The following SPOCK1 variants were observed in gnomAD, a reference collection of about 807,000 sequenced individuals.
The protein encoded by SPOCK1 is testican-1.
A neutral mutation model predicts 55.3 loss-of-function variants in SPOCK1; 23 were observed. That is an observed-to-expected ratio of 0.42 (90% CI 0.30 to 0.59). SPOCK1 has a LOEUF of 0.59. SPOCK1 is among the 20% of genes least tolerant of loss of function. The probability of loss-of-function intolerance (pLI) is 0.22; values close to 1 mark genes in which losing one functional copy is unlikely to be tolerated. For missense variants in SPOCK1, 499 were observed against 552.5 expected (o/e 0.90, Z 0.97); for synonymous variants, 226 against 221.0 (o/e 1.02, Z -0.20).
chr5:137,302,375 C>T (rs1475673744), intron 2 of SPOCK1, among the ~76,000 whole-genome samples: 4 of 149,538 alleles, frequency 2.7e-5, no homozygotes, highest in African/African-American at 9.9e-5. Context: ...TGAGACCATC[C>T]TGGCCAACAC....
chr5:137,414,664 A>T (rs1468064979), intron 2 of SPOCK1, among the ~76,000 whole-genome samples: 1 of 152,206 alleles, frequency 6.6e-6, no homozygotes, highest in South Asian at 2.1e-4. Context: ...GTGACCATGT[A>T]TCCACCTATT....
intron 8 of SPOCK1, among the ~76,000 whole-genome samples, chr5:136,986,199 G>T (rs1750837834): frequency 6.6e-6 from 1 of 152,146 alleles, no homozygotes; most frequent in Admixed American, 6.5e-5. Context: ...ATAAAAGGTA[G>T]CATTTCCTGG....
chr5:137,043,683 T>A (rs1486820969), intron 6 of SPOCK1, among the ~76,000 whole-genome samples: 3 of 152,182 alleles, frequency 2.0e-5, no homozygotes, highest in Non-Finnish European at 2.9e-5. Flanking sequence ...CTCTAATCAT[T>A]AGACCAACAT....
intron 6 of SPOCK1, among the ~76,000 whole-genome samples, chr5:136,999,174 C>T (rs1399563192): frequency 1.3e-5 from 2 of 152,128 alleles, no homozygotes; most frequent in Non-Finnish European, 2.9e-5. Flanking sequence ...GAGAAGGAGG[C>T]ATTGTTGTCA....
chr5:137,399,374 T>G (rs901487625), intron 2 of SPOCK1, among the ~76,000 whole-genome samples: 1 of 149,106 alleles, frequency 6.7e-6, no homozygotes, highest in African/African-American at 2.6e-5. Flanking sequence ...TTGTTGTTGT[T>G]GTTGTTGTTG....
chr5:137,458,636 C>T (rs1262665452), intron 2 of SPOCK1, among the ~76,000 whole-genome samples: 4 of 152,160 alleles, frequency 2.6e-5, no homozygotes, highest in Non-Finnish European at 5.9e-5. Flanking sequence ...CGAAATTTCT[C>T]CTAGAGTAAG....
chr5:137,259,855 C>A (rs145135427), intron 3 of SPOCK1, among the ~76,000 whole-genome samples: 1 of 152,146 alleles, frequency 6.6e-6, no homozygotes, highest in East Asian at 1.9e-4. Context: ...CTTCTTTGGC[C>A]TTTTTTCTTT....
intron 2 of SPOCK1, among the ~76,000 whole-genome samples, chr5:137,345,718 T>C (rs1354131073): frequency 1.3e-5 from 2 of 152,220 alleles, no homozygotes; most frequent in Non-Finnish European, 2.9e-5. Context: ...CCCAGGAATG[T>C]GTAACAAACT....
intron 2 of SPOCK1, among the ~76,000 whole-genome samples, chr5:137,422,681 T>C (rs951330895): frequency 6.6e-6 from 1 of 152,208 alleles, no homozygotes; most frequent in African/African-American, 2.4e-5. Context: ...TAGTTAGCCA[T>C]TCGACTAATT....
intron 3 of SPOCK1, among the ~76,000 whole-genome samples, chr5:137,256,880 G>A (rs556656348): frequency 8.5e-5 from 13 of 152,294 alleles, no homozygotes; most frequent in Non-Finnish European, 1.3e-4. Context: ...CACATTTACC[G>A]TCTTGCTGTA....
At chr5:137,393,192 C>G (rs532343182) in intron 2 of SPOCK1, among the ~76,000 whole-genome samples, 37 of 152,296 alleles carry the variant, frequency 2.4e-4, no homozygotes, top group African/African-American at 8.9e-4. Flanking sequence ...TTCTTCACCC[C>G]TTCCTGTATG....
chr5:137,360,863 C>A (rs923895808), intron 2 of SPOCK1, among the ~76,000 whole-genome samples: 6 of 152,182 alleles, frequency 3.9e-5, no homozygotes, highest in African/African-American at 1.4e-4. Flanking sequence ...TTGATGGGTC[C>A]CTTCTGTACA....
intron 2 of SPOCK1, among the ~76,000 whole-genome samples, chr5:137,296,531 C>T (rs538008572): frequency 2.6e-5 from 4 of 152,270 alleles, no homozygotes; most frequent in South Asian, 2.1e-4. Context: ...ATTGTGCTCC[C>T]GGCTCTGTCT....
At chr5:137,081,905 G>A (rs994774372) in intron 5 of SPOCK1, among the ~76,000 whole-genome samples, 1 of 152,232 alleles carries the variant, frequency 6.6e-6, no homozygotes, top group Non-Finnish European at 1.5e-5. Context: ...GAGCTGAGGT[G>A]TGAAAATGGT....
intron 6 of SPOCK1, among the ~76,000 whole-genome samples, chr5:137,024,318 G>GGGGT (rs1554093481): frequency 1.3e-5 from 2 of 148,712 alleles, no homozygotes; most frequent in African/African-American, 2.5e-5. Context: ...GTTTGAAGGG[G>GGGGT]GGGGGGTAGT....
intron 2 of SPOCK1, among the ~76,000 whole-genome samples, chr5:137,289,018 G>A (rs1757318014): frequency 6.6e-6 from 1 of 152,184 alleles, no homozygotes; most frequent in Non-Finnish European, 1.5e-5. Flanking sequence ...CTGAGCTATG[G>A]GGTCCAACAG....
chr5:137,277,136 T>C (rs1757082590), intron 2 of SPOCK1, among the ~76,000 whole-genome samples: 1 of 152,126 alleles, frequency 6.6e-6, no homozygotes, highest in Admixed American at 6.6e-5. Context: ...TGCCTCATCC[T>C]CCCAAGTAGT....
chr5:137,111,235 G>A (rs1753463689), intron 5 of SPOCK1, among the ~76,000 whole-genome samples: 1 of 152,122 alleles, frequency 6.6e-6, no homozygotes, highest in Non-Finnish European at 1.5e-5. Flanking sequence ...TGCAGTGGGA[G>A]CATGACAAGA....
At chr5:137,397,788 G>A (rs1317580752) in intron 2 of SPOCK1, among the ~76,000 whole-genome samples, 1 of 152,170 alleles carries the variant, frequency 6.6e-6, no homozygotes, top group Non-Finnish European at 1.5e-5. Flanking sequence ...AGGGGCTTAA[G>A]TCATTTCAGC....
Sources: gnomAD v4.1 joint callset for allele counts (sites outside exome capture counted in the v4.1 genomes callset) on GRCh38, gnomAD v4.1.1 for gene constraint, MANE v1.5 for transcripts, NCBI Gene and HGNC (gene_info 2026-07-23, HGNC 2026-07-21) for gene names.